Variants in PAPPA observed in about 807,000 individuals in gnomAD.
PAPPA encodes the protein pappalysin 1.
Under a neutral mutation model 164.0 loss-of-function variants are expected in PAPPA, and 60 were observed. The ratio of observed to expected loss-of-function variants is 0.37; its 90% CI spans 0.30 to 0.45. The LOEUF (loss-of-function observed/expected upper bound fraction) is 0.45, where lower values mean the gene tolerates loss of function less well. Ranked by LOEUF, PAPPA falls within the 20% of genes least tolerant of loss-of-function variation. The pLI, the probability that PAPPA is intolerant of heterozygous loss-of-function variation, is 1.00. For missense variants in PAPPA, 1,782 were observed against 2,087.3 expected (o/e 0.85, Z 2.85); for synonymous variants, 875 against 814.1 (o/e 1.07, Z -1.27).
intron 4 of PAPPA, 108 bp from the exon 5 acceptor site, chr9:116,219,829 G>C: frequency 1.2e-6 from 1 of 848,546 alleles, no homozygotes; most frequent in Non-Finnish European, 1.9e-6. Context: ...GAGTTGGCAA[G>C]GAACGACTTG....
rs999061095 is a variant in PAPPA at position 116,294,792 on chromosome 9, CT to C, written c.2954-7958del. 2.6e-5 allele frequency among the ~76,000 whole-genome samples: 4 copies of C among 152,296 alleles called. No homozygotes were observed. The South Asian group carries it at 6.2e-4, about 24-fold the overall frequency. Reference sequence around the variant, plus strand: ...AAACAGCTAAACTTAAAATATGCTACTTTTTTTCTGGCCTTTAAAGATCTTT... The same window carrying C: ...AAACAGCTAAACTTAAAATATGCTACTTTTTTCTGGCCTTTAAAGATCTTT... On this transcript the variant is annotated intron_variant, in intron 9 of 21. Coordinates refer to ENST00000328252, the MANE Select transcript of PAPPA (RefSeq NM_002581.5).
intron 10 of PAPPA, among the ~76,000 whole-genome samples, chr9:116,312,409 A>G (rs16933430): frequency 0.076 from 11,532 of 151,654 alleles, 568 homozygotes; most frequent in Admixed American, 0.14. Context: ...TAAAAAATGT[A>G]AACAGCGTTC....
intron 12 of PAPPA, among the ~76,000 whole-genome samples, chr9:116,334,251 A>C (rs1447821947): frequency 5.3e-5 from 8 of 150,878 alleles, no homozygotes; most frequent in Admixed American, 3.3e-4. Context: ...AAAAAAAAAA[A>C]AAAAAAAAAC....
chr9:116,216,777 T>C (rs1844377951), intron 4 of PAPPA, among the ~76,000 whole-genome samples: 1 of 152,178 alleles, frequency 6.6e-6, no homozygotes, highest in Admixed American at 6.5e-5. Flanking sequence ...AGTCTTACTC[T>C]GTCGCCCAGG....
At chr9:116,231,922 G>A (rs988583113) in intron 6 of PAPPA, among the ~76,000 whole-genome samples, 7 of 151,472 alleles carry the variant, frequency 4.6e-5, no homozygotes, top group African/African-American at 1.2e-4. Context: ...CCACCACACC[G>A]AGGTAATTTT....
chr9:116,216,289 C>T (rs1844370406), intron 4 of PAPPA, among the ~76,000 whole-genome samples: 4 of 152,150 alleles, frequency 2.6e-5, no homozygotes, highest in South Asian at 2.1e-4. Context: ...ATGTGGCTGA[C>T]GGGGGGTCAG....
chr9:116,383,516 A>G (rs1035054419), intron 21 of PAPPA, among the ~76,000 whole-genome samples: 6 of 137,260 alleles, frequency 4.4e-5, no homozygotes, highest in African/African-American at 1.6e-4. Flanking sequence ...GATTTGTCCC[A>G]GGTGACAAAG....
At chr9:116,163,342 C>T (rs1564171049) in intron 1 of PAPPA, among the ~76,000 whole-genome samples, 2 of 152,074 alleles carry the variant, frequency 1.3e-5, no homozygotes, top group Non-Finnish European at 2.9e-5. Context: ...TCAAGGGAGG[C>T]CATCATCAGA....
chr9:116,222,338 G>A (rs1455046582), intron 5 of PAPPA, among the ~76,000 whole-genome samples: 1 of 152,096 alleles, frequency 6.6e-6, no homozygotes, highest in Non-Finnish European at 1.5e-5. Flanking sequence ...TATGTATTCA[G>A]CATTGCTTTG....
chr9:116,297,592 G>A (rs1362625317), intron 9 of PAPPA, among the ~76,000 whole-genome samples: 2 of 152,130 alleles, frequency 1.3e-5, no homozygotes, highest in Non-Finnish European at 2.9e-5. Flanking sequence ...CAATTGTGTT[G>A]AAATCATTCC....
At chr9:116,310,611 C>A (rs1845704597) in intron 10 of PAPPA, among the ~76,000 whole-genome samples, 1 of 152,148 alleles carries the variant, frequency 6.6e-6, no homozygotes, top group Admixed American at 6.5e-5. Context: ...TCTTATGGGG[C>A]CCCAGCAAAG....
chr9:116,212,029 C>CA, intron 4 of PAPPA, 97 bp downstream of exon 4: 1 of 1,075,146 alleles, frequency 9.3e-7, no homozygotes, highest in Non-Finnish European at 1.4e-6. Flanking sequence ...CTTACCATTT[C>CA]TAAGGATGGA....
chr9:116,198,663 G>T (rs971617753), intron 2 of PAPPA, among the ~76,000 whole-genome samples: 1 of 152,212 alleles, frequency 6.6e-6, no homozygotes, highest in Admixed American at 6.5e-5. Context: ...GTGTCCTAAA[G>T]GATGATTCGT....
chr9:116,245,503 G>A (rs1384000823), intron 7 of PAPPA, among the ~76,000 whole-genome samples: 10 of 152,118 alleles, frequency 6.6e-5, no homozygotes, highest in Admixed American at 5.9e-4. Flanking sequence ...AACCAAAGAT[G>A]ATGATTATTT....
intron 7 of PAPPA, among the ~76,000 whole-genome samples, chr9:116,252,731 C>A (rs750326341): frequency 6.6e-6 from 1 of 152,184 alleles, no homozygotes; most frequent in Non-Finnish European, 1.5e-5. Context: ...GCCCCAACAT[C>A]TCACCTCAGA....
At chr9:116,303,135 G>A (rs1180128630) in intron 10 of PAPPA, among the ~76,000 whole-genome samples, 185 bp downstream of exon 10, 1 of 152,164 alleles carries the variant, frequency 6.6e-6, no homozygotes, top group East Asian at 1.9e-4. Context: ...TGTTAGGGCA[G>A]GGAACATTGT....
chr9:116,302,658 A>G (rs1408981610), intron 9 of PAPPA, 99 bp from the exon 10 acceptor site: 4 of 893,796 alleles, frequency 4.5e-6, no homozygotes, highest in South Asian at 3.3e-5. Flanking sequence ...TGACAGTACC[A>G]ATGGTTTTGG....
At chr9:116,353,549 G>T (rs752164564) in intron 16 of PAPPA, 73 bp from the exon 17 acceptor site, 15 of 1,349,478 alleles carry the variant, frequency 1.1e-5, no homozygotes, top group Non-Finnish European at 1.4e-5. Context: ...GGCCCAGCTG[G>T]TGGTGTTCAT....
chr9:116,238,137 G>T (rs545551742), intron 7 of PAPPA, among the ~76,000 whole-genome samples: 3 of 151,738 alleles, frequency 2.0e-5, no homozygotes, highest in Admixed American at 6.6e-5. Flanking sequence ...TAAGAATAAG[G>T]CCTGACCATT....
Sources: gnomAD v4.1 joint callset for allele counts (sites outside exome capture counted in the v4.1 genomes callset) on GRCh38, gnomAD v4.1.1 for gene constraint, MANE v1.5 for transcripts, NCBI Gene and HGNC (gene_info 2026-07-23, HGNC 2026-07-21) for gene names.